The following TSPAN11 variants were observed in gnomAD, a reference collection of about 807,000 sequenced individuals.
The protein encoded by TSPAN11 is tetraspanin-11.
A neutral mutation model predicts 32.9 loss-of-function variants in TSPAN11; 29 were observed. The ratio of observed to expected loss-of-function variants is 0.88; its 90% CI spans 0.66 to 1.20. The LOEUF (loss-of-function observed/expected upper bound fraction) is 1.20. Among genes scored for constraint, TSPAN11 ranks in the 50% most tolerant of loss-of-function variants. The probability of loss-of-function intolerance (pLI) is 0.00; values close to 1 mark genes in which losing one functional copy is unlikely to be tolerated. For missense variants in TSPAN11, 283 were observed against 329.1 expected, an observed-to-expected ratio of 0.86 and a Z score of 1.08; for synonymous variants, 140 against 141.3, an observed-to-expected ratio of 0.99 and a Z score of 0.07.
chr12:30,992,080 G>A lies in TSPAN11; in HGVS notation c.*165G>A. On this transcript the variant is annotated 3_prime_UTR_variant, in exon 8 of 8. Transcript: ENST00000546076. Reference sequence around the variant, plus strand: ...GAGTGCCTGAGACCATAGCTTCTGTGCCCACCCAGGCAGAGACCCTCGGCC... The same window carrying A: ...GAGTGCCTGAGACCATAGCTTCTGTACCCACCCAGGCAGAGACCCTCGGCC... 2 of 608,610 alleles carry A rather than the reference G, an allele frequency of 3.3e-6. No homozygotes were observed. The highest frequency in any genetic ancestry group is 5.7e-6 in the Non-Finnish European group (2 of 348,868). 37.7% of individuals were successfully genotyped at this position (608,610 alleles called of 1,614,324 possible). A position where few individuals can be genotyped will look rare whatever the true frequency, so the allele number is the denominator to read the frequency against.
chr12:30,953,496 G>C (rs1430339388), intron 1 of TSPAN11, among the ~76,000 whole-genome samples: 3 of 152,112 alleles, frequency 2.0e-5, no homozygotes, highest in African/African-American at 7.2e-5. Flanking sequence ...GGGGTGGACT[G>C]GGTGATCACT....
chr12:30,961,872 T>A (rs1233565036), intron 2 of TSPAN11, among the ~76,000 whole-genome samples: 1 of 152,052 alleles, frequency 6.6e-6, no homozygotes, highest in Non-Finnish European at 1.5e-5. Context: ...CCGTGCAGGA[T>A]ATTTGGCTGC....
At chr12:30,958,313 T>A (rs576467660) in intron 2 of TSPAN11, among the ~76,000 whole-genome samples, 32 of 152,264 alleles carry the variant, frequency 2.1e-4, no homozygotes, top group Non-Finnish European at 4.4e-4. Context: ...AAATAGCCCT[T>A]AGCATAACAA....
chr12:30,956,905 CAGA>C (rs1399461852), intron 2 of TSPAN11, among the ~76,000 whole-genome samples: 2 of 152,230 alleles, frequency 1.3e-5, no homozygotes, highest in Non-Finnish European at 2.9e-5. Context: ...GCCTCTGCTC[CAGA>C]AGCTGTGTCC....
chr12:30,994,198 G>A lies in TSPAN11; in HGVS notation c.*2283G>A, dbSNP rs1475084385. 1 of 152,404 alleles carries A rather than the reference G, an allele frequency of 6.6e-6. No homozygotes were observed. Among genetic ancestry groups the A allele is most frequent in the East Asian group, 1.9e-4 (1 of 5,200 alleles). The allele number at this position is 152,404 out of a possible 1,614,324, so 9.4% of individuals were successfully genotyped here. A position where few individuals can be genotyped will look rare whatever the true frequency, so the allele number is the denominator to read the frequency against. On this transcript the variant is annotated 3_prime_UTR_variant, in exon 8 of 8. Coordinates refer to ENST00000546076, the MANE Select transcript of TSPAN11 (RefSeq NM_001370302.1). The stretch of plus-strand genomic sequence containing the variant: ...GCCCAGGATACGGCAGGTTCTGCCT[G>A]GGAGTGTACAATGGTTGGAGTCCAG...
At chr12:30,979,400 C>T (rs1446342193) in intron 4 of TSPAN11, among the ~76,000 whole-genome samples, 166 bp from the exon 5 acceptor site, 1 of 151,948 alleles carries the variant, frequency 6.6e-6, no homozygotes. Flanking sequence ...ATCTTCTACA[C>T]TGTCTCTGGC....
At position 30,994,099 on chromosome 12, in the gene TSPAN11, C is replaced by G. The variant is rs1024537623; in HGVS notation, c.*2184C>G. The stretch of plus-strand genomic sequence containing the variant: ...AAGCGGCAGACAGTGGTAGAACAAC[C>G]CAGGGCTTGGAAATCTGACCTCCTT... On this transcript the variant is annotated 3_prime_UTR_variant, in exon 8 of 8. Coordinates refer to ENST00000546076, the MANE Select transcript of TSPAN11 (RefSeq NM_001370302.1). 6.6e-6 allele frequency: 1 copy of G among 152,278 alleles called. No homozygotes were observed. The highest frequency in any genetic ancestry group is 1.5e-5 in the Non-Finnish European group (1 of 68,100). 9.4% of individuals were successfully genotyped at this position (152,278 alleles called of 1,614,324 possible).
chr12:30,996,921 T>C (rs1939426583), downstream of TSPAN11: 1 of 152,246 alleles, frequency 6.6e-6, no homozygotes, highest in South Asian at 2.1e-4. Context: ...TTTCCTACCA[T>C]TTACCATGAC....
At chr12:30,984,551 GCT>G (rs1491522199) in intron 7 of TSPAN11, among the ~76,000 whole-genome samples, 3 of 99,528 alleles carry the variant, frequency 3.0e-5, no homozygotes, top group South Asian at 3.0e-4. Context: ...TTCGCTTTTT[GCT>G]TTTTTTTTTT....
Position 30,992,321 on chromosome 12 carries a change from C to T in TSPAN11, c.*406C>T. ...TCCTGCATTCAGCACGGGATTCCCC[C>T]ACCCATGCCCAGAAGCCCTGACCTT... On this transcript the variant is annotated 3_prime_UTR_variant, in exon 8 of 8. Transcript: ENST00000546076. 4.1e-6 allele frequency: 1 copy of T among 244,434 alleles called. No individual in the cohort carries two copies. The highest frequency in any genetic ancestry group is 8.5e-5 in the East Asian group (1 of 11,748). The allele number at this position is 244,434 out of a possible 1,614,324, so 15.1% of individuals were successfully genotyped here.
At chr12:30,981,839 C>T (rs147097618) in intron 5 of TSPAN11, among the ~76,000 whole-genome samples, 84 of 152,334 alleles carry the variant, frequency 5.5e-4, no homozygotes, top group African/African-American at 1.9e-3. Flanking sequence ...CATACACCAG[C>T]GACAGCCTCA....
intron 5 of TSPAN11, among the ~76,000 whole-genome samples, chr12:30,982,311 G>T (rs759096230): frequency 2.6e-5 from 4 of 152,244 alleles, no homozygotes; most frequent in Non-Finnish European, 5.9e-5. Context: ...CTGGCAAGCA[G>T]GTATCCTGCA....
At position 30,963,789 on chromosome 12, in the gene TSPAN11, C is replaced by T. The variant is rs756690942; in HGVS notation, c.85-37C>T. 4.4e-6 allele frequency: 7 copies of T among 1,589,616 alleles called. No individual in the cohort carries two copies. In the South Asian group the frequency reaches 5.6e-5, roughly 13 times the overall value. The stretch of plus-strand genomic sequence containing the variant: ...GAACGGATAGCAGCTGCCGAGGCCC[C>T]CGCCACCCCCTGCTCTAACCCGGTG... On this transcript the variant is annotated intron_variant, in intron 2 of 7. Transcript: ENST00000546076.
intron 1 of TSPAN11, among the ~76,000 whole-genome samples, chr12:30,933,906 A>G (rs568766465): frequency 6.6e-6 from 1 of 152,262 alleles, no homozygotes; most frequent in South Asian, 2.1e-4. Flanking sequence ...ATGAGGAGCC[A>G]TGTTCTATAC....
chr12:30,938,299 C>T (rs1038000866), intron 1 of TSPAN11, among the ~76,000 whole-genome samples: 1 of 152,186 alleles, frequency 6.6e-6, no homozygotes, highest in South Asian at 2.1e-4. Context: ...TGTCTGTCCA[C>T]CCTCAATGGA....
intron 3 of TSPAN11, among the ~76,000 whole-genome samples, chr12:30,970,714 G>C (rs1938830870): frequency 6.6e-6 from 1 of 152,168 alleles, no homozygotes; most frequent in Middle Eastern, 3.2e-3. Context: ...CTTTGGCGTG[G>C]TTGCAGCTGG....
At chr12:30,979,785 T>C in intron 5 of TSPAN11, 115 bp downstream of exon 5, 1 of 979,648 alleles carries the variant, frequency 1.0e-6, no homozygotes, top group Non-Finnish European at 1.5e-6. Context: ...GAGCTTCAAA[T>C]GTCACATCCT....
At chr12:30,930,236 C>A (rs1051115829) in intron 1 of TSPAN11, among the ~76,000 whole-genome samples, 1 of 152,158 alleles carries the variant, frequency 6.6e-6, no homozygotes, top group Non-Finnish European at 1.5e-5. Flanking sequence ...TTTCCAAGTG[C>A]CTGCTGTGAG....
In TSPAN11 at chr12:30,957,369, A is replaced by T. The variant is rs188646500; in HGVS notation, c.84+3294A>T. On this transcript the variant is annotated intron_variant, in intron 2 of 7. Transcript: ENST00000546076. Reference sequence around the variant, plus strand: ...GAGACAAGTCAGGATGAAGCCTGGGATAACCCCTTCTAGCTGCTCTGCTGT... The same window carrying T: ...GAGACAAGTCAGGATGAAGCCTGGGTTAACCCCTTCTAGCTGCTCTGCTGT... Among the ~76,000 whole-genome samples, 20 of 152,010 alleles carry T rather than the reference A, an allele frequency of 1.3e-4. No individual in the cohort carries two copies. In the East Asian group the frequency reaches 3.9e-3, roughly 29 times the overall value.
Sources: allele counts gnomAD v4.1 joint callset (sites outside exome capture counted in the v4.1 genomes callset), GRCh38; gene constraint gnomAD v4.1.1; transcripts MANE v1.5; gene names NCBI Gene and HGNC (gene_info 2026-07-23, HGNC 2026-07-21).